The following CLPX variants were observed in gnomAD, a reference collection of about 807,000 sequenced individuals.
The protein encoded by CLPX is caseinolytic mitochondrial matrix peptidase chaperone subunit X.
Under a neutral mutation model 76.4 loss-of-function variants are expected in CLPX, and 34 were observed. That is an observed-to-expected ratio of 0.45 (90% CI 0.34 to 0.59). The LOEUF (loss-of-function observed/expected upper bound fraction) is 0.59, where lower values mean the gene tolerates loss of function less well. CLPX is among the 20% of genes least tolerant of loss of function. The pLI, the probability that CLPX is intolerant of heterozygous loss-of-function variation, is 0.01. For missense variants in CLPX, 613 were observed against 757.0 expected (o/e 0.81, Z 2.23); for synonymous variants, 248 against 270.9 (o/e 0.92, Z 0.83).
intron 1 of CLPX, among the ~76,000 whole-genome samples, chr15:65,181,524 G>A (rs1321751133): frequency 6.6e-6 from 1 of 151,770 alleles, no homozygotes; most frequent in African/African-American, 2.4e-5. Context: ...AGGTTGAGGT[G>A]GGTGGATCAC....
rs1175056286 is a variant in CLPX, at chr15:65,176,279, C to T, written c.358+2655G>A. Among the ~76,000 whole-genome samples the T allele has an allele frequency of 2.6e-5, 4 of 152,332 alleles. No homozygotes were observed. In the East Asian group the frequency reaches 7.7e-4, roughly 29 times the overall value. Reference sequence around the variant, plus strand: ...TAACAGTCACCTTCAGTGACTAATACAACCTGGCAAGTTTTGGAAAGAATG... The same window carrying T: ...TAACAGTCACCTTCAGTGACTAATATAACCTGGCAAGTTTTGGAAAGAATG... On this transcript the variant is annotated intron_variant, in intron 3 of 13. Transcript: ENST00000300107.
intron 6 of CLPX, among the ~76,000 whole-genome samples, chr15:65,160,623 T>TCTCTCTCTCTCTCACACACA (rs1219208926): frequency 8.9e-5 from 9 of 100,970 alleles, no homozygotes; most frequent in Admixed American, 2.1e-4. Context: ...TCTCTCTCTC[T>TCTCTCTCTCTCTCACACACA]CACACACACA....
chr15:65,152,798 T>C (rs964941130), intron 12 of CLPX, among the ~76,000 whole-genome samples: 5 of 151,728 alleles, frequency 3.3e-5, no homozygotes, highest in African/African-American at 9.7e-5. Context: ...GGTTTCGCCA[T>C]GTTGTCCAGG....
At chr15:65,151,117 G>A (rs2087713550) in intron 13 of CLPX, among the ~76,000 whole-genome samples, 1 of 151,958 alleles carries the variant, frequency 6.6e-6, no homozygotes, top group Admixed American at 6.6e-5. Flanking sequence ...GGCCGAGGAG[G>A]GCTGATCACT....
Position 65,179,011 on chromosome 15 carries a change from C to A in CLPX, c.281G>T (p.Gly94Val). The change falls in exon 3 of 14, where the codon GGG (glycine) becomes GTG (valine). Residue 94 changes from glycine (G) to valine (V), a missense_variant. Gly to Val is a moderately radical substitution (Grantham distance 109). This residue lies in a region of CLPX where 163 missense variants were observed against 118.4 expected (regional missense o/e 1.38). Coordinates refer to ENST00000300107, the MANE Select transcript of CLPX (RefSeq NM_006660.5). The stretch of plus-strand genomic sequence containing the variant: ...CTGGTTTCCACCTTTCCCAGAATTC[C>A]CAGAGCCTGATTTCTTACTACTTCC... ...SEGSSKKSGSGNSGKGGNQLR... is the reference protein window; with the variant it reads ...SEGSSKKSGSVNSGKGGNQLR... 6.2e-7 allele frequency: 1 copy of A among 1,612,022 alleles called. No homozygotes were observed. Among genetic ancestry groups the A allele is most frequent in the Non-Finnish European group, 8.5e-7 (1 of 1,178,558 alleles).
In CLPX at chr15:65,157,357, C is replaced by T. The variant is rs58835263; in HGVS notation, c.1057+389G>A. ...GAACAGATGATAAATGAAGGAGCAA[C>T]GCAGCATCCATGACATCCTGTAGGT... is the stretch of plus-strand genomic sequence containing the variant. On this transcript the variant is annotated intron_variant, in intron 8 of 13. Coordinates refer to ENST00000300107, the MANE Select transcript of CLPX (RefSeq NM_006660.5). Among the ~76,000 whole-genome samples, 289 of 152,280 alleles carry T rather than the reference C, an allele frequency of 1.9e-3. 1 individual carries two copies. Among genetic ancestry groups the T allele is most frequent in the African/African-American group, 6.2e-3 (257 of 41,564 alleles).
chr15:65,154,204 T>C (rs1017334222), intron 11 of CLPX, among the ~76,000 whole-genome samples: 2 of 152,324 alleles, frequency 1.3e-5, no homozygotes, highest in South Asian at 2.1e-4. Flanking sequence ...ATTTTGGTGA[T>C]AGTCACAGAC....
At chr15:65,180,920 A>G (rs1211117293) in intron 1 of CLPX, among the ~76,000 whole-genome samples, 4 of 149,942 alleles carry the variant, frequency 2.7e-5, no homozygotes, top group Admixed American at 2.7e-4. Flanking sequence ...AAAAAAAAAA[A>G]TCTGTAACAA....
At chr15:65,182,127 A>G (rs558526690) in intron 1 of CLPX, among the ~76,000 whole-genome samples, 2 of 151,722 alleles carry the variant, frequency 1.3e-5, no homozygotes, top group Non-Finnish European at 2.9e-5. Context: ...TCAAAAAAAA[A>G]AAAAAAGAAA....
At position 65,185,257 on chromosome 15, in the gene CLPX, C is replaced by A; in HGVS notation, c.-104G>T. 1 of 936,506 alleles carries A rather than the reference C, an allele frequency of 1.1e-6. No homozygotes were observed. The highest frequency in any genetic ancestry group is 1.6e-6 in the Non-Finnish European group (1 of 608,994). The allele number at this position is 936,506 out of a possible 1,614,324, so 58.0% of individuals were successfully genotyped here. ...GCTGACTCGGTTCCGAACCCTTTCGCGGGCCCTAGACCCCGTGGAGAGTTC... is the reference window on the plus strand; with the variant it reads ...GCTGACTCGGTTCCGAACCCTTTCGAGGGCCCTAGACCCCGTGGAGAGTTC... On this transcript the variant is annotated 5_prime_UTR_variant, in exon 1 of 14. Coordinates refer to ENST00000300107, the MANE Select transcript of CLPX (RefSeq NM_006660.5).
In CLPX at chr15:65,158,228, C is replaced by T. The variant is rs561025691; in HGVS notation, c.893-318G>A. ...ATAGAGATAGAGTCTTGCTCTGTTG[C>T]CTAGGCTGGTCTCAAACTCTTGGCC... On this transcript the variant is annotated intron_variant, in intron 7 of 13. Coordinates refer to ENST00000300107, the MANE Select transcript of CLPX (RefSeq NM_006660.5). 146 of 304,902 alleles carry T rather than the reference C, an allele frequency of 4.8e-4. 1 individual carries two copies. Among genetic ancestry groups the T allele is most frequent in the South Asian group, 4.4e-3 (69 of 15,570 alleles). 18.9% of individuals were successfully genotyped at this position (304,902 alleles called of 1,614,324 possible). A position where few individuals can be genotyped will look rare whatever the true frequency, so the allele number is the denominator to read the frequency against.
chr15:65,166,071 C>T (rs1008988918), intron 4 of CLPX, among the ~76,000 whole-genome samples: 5 of 152,200 alleles, frequency 3.3e-5, no homozygotes, highest in African/African-American at 7.2e-5. Context: ...CATTCTGTTA[C>T]ATCTCACAGG....
At chr15:65,174,527 T>C (rs1374384161) in intron 3 of CLPX, among the ~76,000 whole-genome samples, 1 of 152,104 alleles carries the variant, frequency 6.6e-6, no homozygotes, top group Non-Finnish European at 1.5e-5. Context: ...CCTCCCAAAG[T>C]GCTGGGATTA....
chr15:65,172,227 G>A (rs1328547404), intron 3 of CLPX, among the ~76,000 whole-genome samples: 2 of 152,044 alleles, frequency 1.3e-5, no homozygotes, highest in Non-Finnish European at 2.9e-5. Context: ...CCTTCCAAAC[G>A]GCTGGCATTA....
At position 65,158,764 on chromosome 15, in the gene CLPX, C is replaced by T; in HGVS notation, c.716-13G>A. ...ATCTGAAGCAATTCTGAAAAAAATGCCAAAGGAATTACTTGAGCTTCATTT... is the reference window on the plus strand; with the variant it reads ...ATCTGAAGCAATTCTGAAAAAAATGTCAAAGGAATTACTTGAGCTTCATTT... On this transcript the variant is annotated splice_polypyrimidine_tract_variant and intron_variant, in intron 6 of 13. Transcript: ENST00000300107. 1 of 1,552,250 alleles carries T rather than the reference C, an allele frequency of 6.4e-7. No individual in the cohort carries two copies.
At chr15:65,165,210 C>T (rs1259277225) in intron 4 of CLPX, among the ~76,000 whole-genome samples, 2 of 152,022 alleles carry the variant, frequency 1.3e-5, no homozygotes, top group East Asian at 1.9e-4. Context: ...CACCTGCAGT[C>T]CCAGCTACTG....
intron 1 of CLPX, among the ~76,000 whole-genome samples, chr15:65,183,460 C>CGAAA (rs2088206573): frequency 1.5e-5 from 1 of 66,268 alleles, no homozygotes; most frequent in Non-Finnish European, 2.7e-5. Flanking sequence ...GACTCTGTCT[C>CGAAA]AAAAAAAAAA....
intron 13 of CLPX, among the ~76,000 whole-genome samples, chr15:65,151,981 G>A (rs1051492000): frequency 6.6e-6 from 1 of 152,082 alleles, no homozygotes; most frequent in Non-Finnish European, 1.5e-5. Flanking sequence ...CCAGGCTGGA[G>A]TGCAGTGGTG....
Position 65,185,325 on chromosome 15 carries a change from C to G in CLPX, c.-172G>C, listed in dbSNP as rs2088245712. ...GCCTTCACGCTTCTCTGCCCCACAG[C>G]CGTCTATTCACCAGAGTAGACACCC... On this transcript the variant is annotated 5_prime_UTR_variant, in exon 1 of 14. Coordinates refer to ENST00000300107, the MANE Select transcript of CLPX (RefSeq NM_006660.5). 1.7e-6 allele frequency: 1 copy of G among 592,794 alleles called. No individual in the cohort carries two copies. The highest frequency in any genetic ancestry group is 3.0e-5 in the Admixed American group (1 of 32,902). The allele number at this position is 592,794 out of a possible 1,614,324, so 36.7% of individuals were successfully genotyped here.
Sources: gnomAD v4.1 joint callset for allele counts (sites outside exome capture counted in the v4.1 genomes callset) on GRCh38, gnomAD v4.1.1 for gene constraint, gnomAD v4.1.1 regional missense constraint, MANE v1.5 for transcripts, NCBI Gene and HGNC (gene_info 2026-07-23, HGNC 2026-07-21) for gene names.